Variants in CACNA2D3 observed in about 807,000 individuals in gnomAD.
CACNA2D3 encodes the protein calcium voltage-gated channel auxiliary subunit alpha2delta 3, also known as voltage-dependent calcium channel subunit alpha-2/delta-3.
Under a neutral mutation model 160.6 loss-of-function variants are expected in CACNA2D3, and 60 were observed. The ratio of observed to expected loss-of-function variants is 0.37; its 90% CI spans 0.30 to 0.46. The LOEUF (loss-of-function observed/expected upper bound fraction) is 0.46. Among genes scored for constraint, CACNA2D3 ranks in the 20% least tolerant of loss-of-function variants. CACNA2D3 has a pLI of 1.00. For missense variants in CACNA2D3, 1,205 were observed against 1,365.0 expected, an observed-to-expected ratio of 0.88 and a Z score of 1.85; for synonymous variants, 558 against 492.9, an observed-to-expected ratio of 1.13 and a Z score of -1.75.
chr3:54,671,240 T>G (rs1441786407), intron 11 of CACNA2D3, among the ~76,000 whole-genome samples: 1 of 151,360 alleles, frequency 6.6e-6, no homozygotes, highest in Non-Finnish European at 1.5e-5. Context: ...AATTTGGATC[T>G]CATTAAGTCA....
At chr3:54,495,375 G>A (rs1701187379) in intron 4 of CACNA2D3, among the ~76,000 whole-genome samples, 1 of 152,092 alleles carries the variant, frequency 6.6e-6, no homozygotes, top group African/African-American at 2.4e-5. Flanking sequence ...TTTCTATATG[G>A]AAAAATGCGC....
intron 2 of CACNA2D3, among the ~76,000 whole-genome samples, chr3:54,173,801 C>T (rs1197625388): frequency 6.6e-6 from 1 of 152,184 alleles, no homozygotes; most frequent in Non-Finnish European, 1.5e-5. Context: ...AAAAGAAAGT[C>T]ATCCTTTAAT....
chr3:54,480,295 T>C (rs1357629328), intron 4 of CACNA2D3, among the ~76,000 whole-genome samples: 2 of 152,180 alleles, frequency 1.3e-5, no homozygotes, highest in Non-Finnish European at 2.9e-5. Context: ...TCTTTGATTT[T>C]TCATCATGCC....
intron 25 of CACNA2D3, chr3:54,894,661 C>G (rs763143415): frequency 3.1e-5 from 16 of 508,608 alleles, no homozygotes; most frequent in Admixed American, 8.0e-5. Flanking sequence ...GCACCTGTGA[C>G]CCAGGGTAGA....
At chr3:54,584,076 C>T (rs942700802) in intron 9 of CACNA2D3, among the ~76,000 whole-genome samples, 1 of 152,082 alleles carries the variant, frequency 6.6e-6, no homozygotes, top group African/African-American at 2.4e-5. Context: ...TGCATACCCC[C>T]TTGGCCCTTC....
intron 4 of CACNA2D3, among the ~76,000 whole-genome samples, chr3:54,410,327 C>T (rs1196383722): frequency 1.3e-5 from 2 of 151,858 alleles, no homozygotes; most frequent in Non-Finnish European, 2.9e-5. Flanking sequence ...GCTCTCCAGC[C>T]TGGGCAACAG....
At chr3:54,725,272 T>G (rs923085788) in intron 11 of CACNA2D3, among the ~76,000 whole-genome samples, 1 of 152,192 alleles carries the variant, frequency 6.6e-6, no homozygotes, top group Non-Finnish European at 1.5e-5. Context: ...TGGTAATTAA[T>G]AGCCTACCAA....
chr3:54,948,223 A>G (rs185704550), intron 27 of CACNA2D3, among the ~76,000 whole-genome samples: 71 of 152,318 alleles, frequency 4.7e-4, no homozygotes, highest in African/African-American at 1.7e-3. Flanking sequence ...CTTTTTGACT[A>G]GAAAAGTATG....
chr3:54,617,040 A>C (rs17815617), intron 9 of CACNA2D3, among the ~76,000 whole-genome samples: 144 of 152,166 alleles, frequency 9.5e-4, no homozygotes, highest in Middle Eastern at 6.8e-3. Flanking sequence ...AACTTTTAAG[A>C]AGCATATTGT....
chr3:54,126,021 C>G (rs563277834), intron 2 of CACNA2D3, among the ~76,000 whole-genome samples: 2 of 152,238 alleles, frequency 1.3e-5, no homozygotes, highest in South Asian at 2.1e-4. Flanking sequence ...TCAAAGATGA[C>G]AATACTATGT....
rs568661667 is a variant in CACNA2D3, at chr3:54,892,610, G to GT, written c.2246+1165dup. 1.5e-3 allele frequency among the ~76,000 whole-genome samples: 222 copies of GT among 152,212 alleles called. 1 individual carries two copies. The highest frequency in any genetic ancestry group is 9.7e-3 in the East Asian group (50 of 5,168). On this transcript the variant is annotated intron_variant, in intron 25 of 37. Transcript: ENST00000474759. ...TTGATTTTTAACGACTTTTTTAAGC[G>GT]TTTTTCCCCCAGACAATTGTTTTTC...
chr3:54,679,369 C>T (rs564906564), intron 11 of CACNA2D3, among the ~76,000 whole-genome samples: 1 of 152,292 alleles, frequency 6.6e-6, no homozygotes, highest in Admixed American at 6.5e-5. Context: ...TCTTATCTCA[C>T]CTTAGATAGA....
chr3:55,054,485 A>T (rs1172999657), intron 35 of CACNA2D3, among the ~76,000 whole-genome samples: 3 of 151,552 alleles, frequency 2.0e-5, no homozygotes, highest in Middle Eastern at 3.4e-3. Flanking sequence ...CTGTTTTAAG[A>T]TTTGCATTTG....
intron 2 of CACNA2D3, among the ~76,000 whole-genome samples, chr3:54,285,445 G>A (rs1307257533): frequency 6.6e-6 from 1 of 152,210 alleles, no homozygotes; most frequent in Non-Finnish European, 1.5e-5. Context: ...CTCGAACTGG[G>A]TGGAGCCCAC....
At chr3:54,764,080 A>G (rs1702172589) in intron 12 of CACNA2D3, 138 bp from the exon 13 acceptor site, 1 of 873,910 alleles carries the variant, frequency 1.1e-6, no homozygotes, top group Non-Finnish European at 1.8e-6. Flanking sequence ...TGAAAAGAAA[A>G]ATGGGGGAGA....
chr3:54,472,777 C>T (rs902160103), intron 4 of CACNA2D3, among the ~76,000 whole-genome samples: 1 of 152,062 alleles, frequency 6.6e-6, no homozygotes, highest in Admixed American at 6.6e-5. Context: ...GAGTGAACTC[C>T]CATTCACAAT....
intron 3 of CACNA2D3, among the ~76,000 whole-genome samples, chr3:54,323,228 A>G (rs1047326839): frequency 7.2e-5 from 11 of 152,146 alleles, no homozygotes; most frequent in Non-Finnish European, 1.5e-4. Context: ...TCCTATTTTA[A>G]TGATACCTTG....
chr3:54,691,158 C>T (rs1201114501), intron 11 of CACNA2D3, among the ~76,000 whole-genome samples: 1 of 152,168 alleles, frequency 6.6e-6, no homozygotes, highest in African/African-American at 2.4e-5. Flanking sequence ...AGCCTTCTAC[C>T]ACCCATGATG....
At chr3:54,201,655 A>G (rs1336204941) in intron 2 of CACNA2D3, among the ~76,000 whole-genome samples, 1 of 152,230 alleles carries the variant, frequency 6.6e-6, no homozygotes. Context: ...TAAGAAAATA[A>G]ATGTAAGGAA....
Sources: allele counts gnomAD v4.1 joint callset (sites outside exome capture counted in the v4.1 genomes callset), GRCh38; gene constraint gnomAD v4.1.1; transcripts MANE v1.5; gene names NCBI Gene and HGNC (gene_info 2026-07-23, HGNC 2026-07-21).